The following TBC1D30 variants were observed in gnomAD, a reference collection of about 807,000 sequenced individuals.
TBC1D30 encodes TBC1 domain family, member 30.
In TBC1D30, 31 loss-of-function variants were observed where a neutral mutation model predicts 63.2. That is an observed-to-expected ratio of 0.49 (90% CI 0.37 to 0.66). The LOEUF (loss-of-function observed/expected upper bound fraction) is 0.66. TBC1D30 is among the 30% of genes least tolerant of loss of function. The pLI is 0.00. For missense variants in TBC1D30, 810 were observed against 953.6 expected, an observed-to-expected ratio of 0.85 and a Z score of 1.98; for synonymous variants, 307 against 361.5, an observed-to-expected ratio of 0.85 and a Z score of 1.71.
chr12:64,874,678 G>A (rs940083234), intron 11 of TBC1D30, among the ~76,000 whole-genome samples: 4 of 151,958 alleles, frequency 2.6e-5, no homozygotes, highest in Non-Finnish European at 5.9e-5. Flanking sequence ...TAACTCAGAG[G>A]TTGCTACTCA....
intron 11 of TBC1D30, among the ~76,000 whole-genome samples, chr12:64,871,090 G>T (rs753786770): frequency 1.4e-4 from 22 of 152,288 alleles, no homozygotes; most frequent in Admixed American, 1.2e-3. Flanking sequence ...GTTTACAAAT[G>T]ATTAAAATGT....
chr12:64,801,946 G>A (rs925749857), intron 2 of TBC1D30, among the ~76,000 whole-genome samples: 2 of 152,036 alleles, frequency 1.3e-5, no homozygotes, highest in African/African-American at 4.8e-5. Context: ...CTGCTTTTTG[G>A]CGTTTTTGCT....
At chr12:64,815,475 G>C (rs1055411022) in intron 2 of TBC1D30, among the ~76,000 whole-genome samples, 3 of 152,154 alleles carry the variant, frequency 2.0e-5, no homozygotes, top group Non-Finnish European at 4.4e-5. Context: ...GTTCTGTGAA[G>C]AATCCTGCGT....
chr12:64,819,678 C>T (rs1028993660), upstream of TBC1D30, among the ~76,000 whole-genome samples: 2 of 152,116 alleles, frequency 1.3e-5, no homozygotes, highest in African/African-American at 2.4e-5. Context: ...CCACTGCACT[C>T]GGCCTTGAAG....
intron 2 of TBC1D30, among the ~76,000 whole-genome samples, chr12:64,808,617 A>C (rs551904844): frequency 6.6e-6 from 1 of 152,308 alleles, no homozygotes; most frequent in Admixed American, 6.5e-5. Context: ...TTACTATCTT[A>C]ACCATTTTAA....
chr12:64,866,814 A>C lies in TBC1D30; in HGVS notation c.1202A>C (p.Glu401Ala). Reference protein sequence around the residue: ...DSDEENDPDDEDAVVNAVGCL... With the variant: ...DSDEENDPDDADAVVNAVGCL... ...GATGAAGAGAATGACCCAGACGATG[A>C]GGATGCTGTCGTTAATGCAGTGGGG... is the stretch of plus-strand genomic sequence containing the variant. Residue 401 changes from glutamate to alanine, a missense_variant, in exon 10 of 12, where the codon GAG becomes GCG. Around this residue, in one of 4 missense-constraint regions of TBC1D30, gnomAD observed 450 missense variants for 473.0 expected, o/e 0.95. Coordinates refer to ENST00000539867, the MANE Select transcript of TBC1D30 (RefSeq NM_015279.2). 6.5e-7 allele frequency: 1 copy of C among 1,536,624 alleles called. No individual in the cohort carries two copies. The highest frequency in any genetic ancestry group is 8.7e-7 in the Non-Finnish European group (1 of 1,147,018).
At chr12:64,855,672 A>G (rs1248184514) in intron 8 of TBC1D30, among the ~76,000 whole-genome samples, 3 of 152,030 alleles carry the variant, frequency 2.0e-5, no homozygotes, top group African/African-American at 4.8e-5. Context: ...CTGCTTAACT[A>G]TTTCACTCTT....
chr12:64,821,860 A>G (rs189653029), upstream of TBC1D30, among the ~76,000 whole-genome samples: 60 of 152,396 alleles, frequency 3.9e-4, 1 homozygote, highest in African/African-American at 1.4e-3. Flanking sequence ...CCAAGCAATT[A>G]GTCATGACCA....
chr12:64,834,015 A>G (rs1377728911), intron 5 of TBC1D30, among the ~76,000 whole-genome samples: 1 of 152,186 alleles, frequency 6.6e-6, no homozygotes, highest in Non-Finnish European at 1.5e-5. Context: ...GGGCTCAGTA[A>G]TACTTGAGAA....
At chr12:64,767,570 TC>T (rs1403054103) in intron 1 of TBC1D30, among the ~76,000 whole-genome samples, 1 of 151,990 alleles carries the variant, frequency 6.6e-6, no homozygotes, top group Non-Finnish European at 1.5e-5. Context: ...ACAAAAGACA[TC>T]TACAGTTTTG....
chr12:64,787,054 G>A (rs780273792), intron 2 of TBC1D30, among the ~76,000 whole-genome samples: 8 of 152,182 alleles, frequency 5.3e-5, no homozygotes, highest in African/African-American at 9.7e-5. Context: ...TACAGTAAGT[G>A]AATTAAATAA....
At chr12:64,798,805 CTTTTTTTTTT>C (rs1227349778) in intron 2 of TBC1D30, among the ~76,000 whole-genome samples, 1 of 127,220 alleles carries the variant, frequency 7.9e-6, no homozygotes, top group East Asian at 2.2e-4. Flanking sequence ...CTTCAGGCAC[CTTTTTTTTTT>C]TTTTTTTTTT....
chr12:64,771,941 C>T (rs948754382), intron 1 of TBC1D30, among the ~76,000 whole-genome samples: 2 of 152,002 alleles, frequency 1.3e-5, no homozygotes, highest in Non-Finnish European at 2.9e-5. Context: ...GGTTGTGGCA[C>T]GTGGATGAAC....
At chr12:64,856,985 A>C (rs769733369) in intron 8 of TBC1D30, among the ~76,000 whole-genome samples, 68 of 151,976 alleles carry the variant, frequency 4.5e-4, no homozygotes, top group African/African-American at 1.6e-3. Context: ...GTCACCCTTC[A>C]GGGCAGTGGG....
Position 64,836,735 on chromosome 12 carries a change from A to G in TBC1D30, c.763+77A>G, listed in dbSNP as rs1875395744. On this transcript the variant is annotated intron_variant, in intron 6 of 11. Coordinates refer to ENST00000539867, the MANE Select transcript of TBC1D30 (RefSeq NM_015279.2). Reference sequence around the variant, plus strand: ...ACTGTACAAATGAGCCTAAACATTGAATGGAAATATGTATTTCCAGCTATT... The same window carrying G: ...ACTGTACAAATGAGCCTAAACATTGGATGGAAATATGTATTTCCAGCTATT... 4 of 1,299,616 alleles carry G rather than the reference A, an allele frequency of 3.1e-6. No homozygotes were observed. In the African/African-American group the frequency reaches 4.4e-5, roughly 14 times the overall value. The allele number at this position is 1,299,616 out of a possible 1,614,324, so 80.5% of individuals were successfully genotyped here.
At chr12:64,835,069 C>G (rs1487561517) in intron 5 of TBC1D30, among the ~76,000 whole-genome samples, 1 of 152,068 alleles carries the variant, frequency 6.6e-6, no homozygotes, top group Non-Finnish European at 1.5e-5. Context: ...GGTACTCTAC[C>G]ATGCTGAAAC....
At chr12:64,831,205 T>G (rs968484859) in intron 4 of TBC1D30, among the ~76,000 whole-genome samples, 5 of 152,186 alleles carry the variant, frequency 3.3e-5, no homozygotes, top group African/African-American at 1.2e-4. Flanking sequence ...TTTGGCATAT[T>G]TGGAGGTTTT....
At chr12:64,871,736 C>T (rs1306951206) in intron 11 of TBC1D30, among the ~76,000 whole-genome samples, 6 of 152,210 alleles carry the variant, frequency 3.9e-5, no homozygotes, top group African/African-American at 9.7e-5. Flanking sequence ...AAGGCAAGGA[C>T]AGATAGTCCC....
chr12:64,789,321 A>G (rs1277994139), intron 2 of TBC1D30, among the ~76,000 whole-genome samples: 1 of 151,654 alleles, frequency 6.6e-6, no homozygotes, highest in Admixed American at 6.6e-5. Context: ...AGTAGCTGGA[A>G]CTTAGGTGGG....
Sources: allele counts gnomAD v4.1 joint callset (sites outside exome capture counted in the v4.1 genomes callset), GRCh38; gene constraint gnomAD v4.1.1; regional missense constraint gnomAD v4.1.1; transcripts MANE v1.5; gene names NCBI Gene and HGNC (gene_info 2026-07-23, HGNC 2026-07-21).